SLC10A2: variants seen among roughly 807,000 people sequenced by gnomAD.
The protein encoded by SLC10A2 is solute carrier family 10 member 2, also known as ileal sodium/bile acid cotransporter.
SLC10A2 carries 34 observed loss-of-function variants against 27.1 expected under a neutral mutation model. The ratio of observed to expected loss-of-function variants is 1.26; its 90% CI spans 0.96 to 1.67. The LOEUF is 1.67. Ranked by LOEUF, SLC10A2 falls within the 40% of genes most tolerant of loss-of-function variation. SLC10A2 has a pLI of 0.00. For missense variants in SLC10A2, 530 were observed against 444.4 expected (o/e 1.19, Z -1.73); for synonymous variants, 205 against 174.0 (o/e 1.18, Z -1.40).
chr13:103,063,580 G>T (rs1876190369), intron 1 of SLC10A2, among the ~76,000 whole-genome samples: 1 of 152,198 alleles, frequency 6.6e-6, no homozygotes, highest in Non-Finnish European at 1.5e-5. Flanking sequence ...TTGGAAAACT[G>T]TTACGCAATA....
chr13:103,051,295 C>A lies in SLC10A2; in HGVS notation c.723G>T (p.Gly241=). ...GACCAGCAATTCTAGCCAGAAGAAA[C>A]CCCAGGGAGTAACCCGCCACAGGAA... ...TIFPVAGYSL[G]FLLARIAGLP... Residue 241 remains glycine, a synonymous_variant, in exon 4 of 6, where the codon GGG becomes GGT. Transcript: ENST00000245312. The A allele has an allele frequency of 6.2e-7, 1 of 1,614,044 alleles. No homozygotes were observed. Among genetic ancestry groups the A allele is most frequent in the Non-Finnish European group, 8.5e-7 (1 of 1,179,988 alleles).
At chr13:103,061,455 G>A (rs1352837348) in intron 1 of SLC10A2, among the ~76,000 whole-genome samples, 1 of 151,992 alleles carries the variant, frequency 6.6e-6, no homozygotes, top group Non-Finnish European at 1.5e-5. Flanking sequence ...GAATCTGGTG[G>A]GGAAGTGAGG....
rs553028969 is a variant in SLC10A2, at chr13:103,057,546, G to A, written c.496+718C>T. 1.6e-4 allele frequency among the ~76,000 whole-genome samples: 24 copies of A among 152,230 alleles called. 1 individual carries two copies. The South Asian group carries it at 5.0e-3, about 32-fold the overall frequency. ...GTTTTCTGTTGTAACACTCTGGATT[G>A]CTTACTCAGTGCTCTATTTTGAAAC... On this transcript the variant is annotated intron_variant, in intron 2 of 5. Coordinates refer to ENST00000245312, the MANE Select transcript of SLC10A2 (RefSeq NM_000452.3).
intron 1 of SLC10A2, among the ~76,000 whole-genome samples, chr13:103,061,502 G>A (rs1007142326): frequency 6.6e-6 from 1 of 152,028 alleles, no homozygotes; most frequent in African/African-American, 2.4e-5. Context: ...AGAGAAGTCT[G>A]AGAATTTTTG....
intron 1 of SLC10A2, among the ~76,000 whole-genome samples, chr13:103,061,032 A>G (rs897117832): frequency 6.6e-6 from 1 of 152,194 alleles, no homozygotes; most frequent in African/African-American, 2.4e-5. Flanking sequence ...TAATATATTT[A>G]TTTTTAACCA....
chr13:103,066,033 G>A lies in SLC10A2; in HGVS notation c.217C>T (p.Leu73Phe), dbSNP rs751732465. Residue 73 changes from leucine (L) to phenylalanine (F), a missense_variant, in exon 1 of 6, where the codon CTC (leucine) becomes TTC (phenylalanine). Coordinates refer to ENST00000245312, the MANE Select transcript of SLC10A2 (RefSeq NM_000452.3). ...AGGGGCATGATTCCAAACTGACAGA[G>A]GAAGCCAACACAAATGCCCCACGGC... ...KRPWGICVGF[L>F]CQFGIMPLTG... 1.2e-6 allele frequency: 2 copies of A among 1,614,152 alleles called. No homozygotes were observed. The highest frequency in any genetic ancestry group is 2.2e-5 in the East Asian group (1 of 44,878).
In SLC10A2 at chr13:103,066,027, G is replaced by T; in HGVS notation, c.223C>A (p.Gln75Lys). 1 of 1,614,170 alleles carries T rather than the reference G, an allele frequency of 6.2e-7. No homozygotes were observed. The highest frequency in any genetic ancestry group is 8.5e-7 in the Non-Finnish European group (1 of 1,180,012). The change falls in exon 1 of 6, where the codon CAG (glutamine) becomes AAG (lysine). Residue 75 changes from glutamine (Q) to lysine (K), a missense_variant. Transcript: ENST00000245312. ...CCTGTGAGGGGCATGATTCCAAACT[G>T]ACAGAGGAAGCCAACACAAATGCCC... ...PWGICVGFLC[Q>K]FGIMPLTGFI...
chr13:103,046,596 A>G (rs1004537008), intron 5 of SLC10A2, among the ~76,000 whole-genome samples: 3 of 152,206 alleles, frequency 2.0e-5, no homozygotes, highest in Admixed American at 2.0e-4. Context: ...TTAATGTGCT[A>G]GTTCTTAATA....
intron 1 of SLC10A2, among the ~76,000 whole-genome samples, chr13:103,063,958 T>G (rs987530041): frequency 6.6e-6 from 1 of 152,212 alleles, no homozygotes; most frequent in African/African-American, 2.4e-5. Flanking sequence ...GATCTTCTCT[T>G]TTGCCCTTCC....
chr13:103,062,895 A>T (rs1455774149), intron 1 of SLC10A2, among the ~76,000 whole-genome samples: 3 of 152,204 alleles, frequency 2.0e-5, no homozygotes, highest in Non-Finnish European at 4.4e-5. Context: ...AAGTCCTTGC[A>T]TGGTGTCGCT....
chr13:103,058,737 C>T (rs911132315), intron 1 of SLC10A2, among the ~76,000 whole-genome samples: 1 of 152,174 alleles, frequency 6.6e-6, no homozygotes, highest in Non-Finnish European at 1.5e-5. Context: ...TGTTACTTTG[C>T]TAAGGATAAT....
In SLC10A2 at chr13:103,061,981, A is replaced by T. The variant is rs114305236; in HGVS notation, c.378-3599T>A. ...CCTTGAATTTATATTAGACTGACAG[A>T]AAAGAGTCAAGTATAAGAAAAATAA... On this transcript the variant is annotated intron_variant, in intron 1 of 5. Transcript: ENST00000245312. 2.8e-3 allele frequency among the ~76,000 whole-genome samples: 433 copies of T among 152,330 alleles called. 2 individuals carry two copies. Among genetic ancestry groups the T allele is most frequent in the African/African-American group, 0.01 (419 of 41,590 alleles).
chr13:103,049,594 T>C (rs1875714674), intron 4 of SLC10A2, 148 bp from the exon 5 acceptor site: 3 of 739,782 alleles, frequency 4.1e-6, no homozygotes, highest in Non-Finnish European at 6.9e-6. Context: ...TATATAACTT[T>C]CTATGGAATA....
intron 5 of SLC10A2, among the ~76,000 whole-genome samples, chr13:103,048,802 G>GT (rs1397673334): frequency 3.3e-5 from 5 of 152,078 alleles, no homozygotes; most frequent in Non-Finnish European, 5.9e-5. Context: ...AATTATATGG[G>GT]TATTTAAAAT....
At chr13:103,047,452 A>G (rs989472782) in intron 5 of SLC10A2, among the ~76,000 whole-genome samples, 2 of 151,998 alleles carry the variant, frequency 1.3e-5, no homozygotes, top group African/African-American at 4.8e-5. Context: ...TATGCCAATG[A>G]TTTCATTTAA....
Position 103,066,058 on chromosome 13 carries a change from C to A in SLC10A2, c.192G>T (p.Arg64=). The stretch of plus-strand genomic sequence containing the variant: ...GGAAGCCAACACAAATGCCCCACGG[C>A]CGCTTTATGTGCCCTAGAAATTTCT... ...EIKKFLGHIK[R]PWGICVGFLC... The change falls in exon 1 of 6, where the codon CGG becomes CGT. Residue 64 remains arginine, a synonymous_variant. Coordinates refer to ENST00000245312, the MANE Select transcript of SLC10A2 (RefSeq NM_000452.3). 1 of 1,614,152 alleles carries A rather than the reference C, an allele frequency of 6.2e-7. No individual in the cohort carries two copies. The highest frequency in any genetic ancestry group is 2.2e-5 in the East Asian group (1 of 44,872).
chr13:103,056,339 T>A (rs191314862), intron 2 of SLC10A2, among the ~76,000 whole-genome samples: 191 of 152,340 alleles, frequency 1.3e-3, no homozygotes, highest in African/African-American at 4.4e-3. Flanking sequence ...ATTTTTCTTT[T>A]CTTTTCACTC....
At chr13:103,049,756 T>C (rs139484367) in intron 4 of SLC10A2, among the ~76,000 whole-genome samples, 143 of 152,336 alleles carry the variant, frequency 9.4e-4, no homozygotes, top group African/African-American at 2.9e-3. Context: ...TTTTCAATTA[T>C]GATTTTGGTA....
chr13:103,060,574 C>T (rs1359828656), intron 1 of SLC10A2, among the ~76,000 whole-genome samples: 2 of 151,912 alleles, frequency 1.3e-5, no homozygotes, highest in African/African-American at 4.8e-5. Flanking sequence ...TGGGGTTTCA[C>T]CATGTTGTCC....
Sources: allele counts gnomAD v4.1 joint callset (sites outside exome capture counted in the v4.1 genomes callset), GRCh38; gene constraint gnomAD v4.1.1; transcripts MANE v1.5; gene names NCBI Gene and HGNC (gene_info 2026-07-23, HGNC 2026-07-21).